The following SPTA1 variants were observed in gnomAD, a reference collection of about 807,000 sequenced individuals.
SPTA1 encodes spectrin alpha chain, erythrocytic 1.
In SPTA1, 177 loss-of-function variants were observed where a neutral mutation model predicts 324.7. The observed-to-expected ratio is 0.55, with a 90% CI of 0.48 to 0.62. The LOEUF is 0.62. SPTA1 is among the 20% of genes least tolerant of loss of function. SPTA1 has a pLI of 0.00. For synonymous variants in SPTA1, 1,195 were observed against 1,041.3 expected (o/e 1.15, Z -2.84); for missense variants, 3,162 against 2,883.6 (o/e 1.10, Z -2.21).
chr1:158,649,010 T>A (rs1652214473), intron 25 of SPTA1, among the ~76,000 whole-genome samples: 1 of 152,174 alleles, frequency 6.6e-6, no homozygotes, highest in South Asian at 2.1e-4. Flanking sequence ...TAGCTTTCTA[T>A]CTTAAGCATT....
chr1:158,634,766 C>A, intron 38 of SPTA1, 91 bp from the exon 39 acceptor site: 1 of 1,486,344 alleles, frequency 6.7e-7, no homozygotes, highest in Non-Finnish European at 9.3e-7. Flanking sequence ...TTCAGGCAGA[C>A]CAGCTTATTC....
At chr1:158,642,681 C>A (rs898373507) in intron 32 of SPTA1, 133 bp downstream of exon 32, 2 of 1,571,334 alleles carry the variant, frequency 1.3e-6, no homozygotes, top group African/African-American at 2.7e-5. Flanking sequence ...TGCTCCACAT[C>A]AGACTCTGAA....
At chr1:158,648,417 A>C (rs1048221331) in intron 26 of SPTA1, 92 bp downstream of exon 26, 3 of 1,548,106 alleles carry the variant, frequency 1.9e-6, no homozygotes, top group African/African-American at 2.7e-5. Flanking sequence ...TAAGAATAAA[A>C]GACTGAAAAA....
chr1:158,651,292 T>G, intron 24 of SPTA1, 75 bp downstream of exon 24: 1 of 932,716 alleles, frequency 1.1e-6, no homozygotes, highest in Non-Finnish European at 1.8e-6. Context: ...GAATATAAAG[T>G]TCCATGTTGA....
chr1:158,683,857 TGA>T lies in SPTA1; in HGVS notation c.265-363_265-362del, dbSNP rs1450854601. Among the ~76,000 whole-genome samples, 8 of 151,716 alleles carry T rather than the reference TGA, an allele frequency of 5.3e-5. No homozygotes were observed. In the East Asian group the frequency reaches 5.8e-4, roughly 11 times the overall value. ...AATAATGGTTTTTAAAAAAAAAAAT[TGA>T]GAGTTTTTTTTGCATGCTGTGCCTG... On this transcript the variant is annotated intron_variant, in intron 2 of 51. Coordinates refer to ENST00000643759, the MANE Select transcript of SPTA1 (RefSeq NM_003126.4).
chr1:158,648,661 A>G lies in SPTA1; in HGVS notation c.3570-8T>C, dbSNP rs749641057. 5.0e-6 allele frequency: 8 copies of G among 1,613,386 alleles called. No individual in the cohort carries two copies. The South Asian group carries it at 8.8e-5, about 18-fold the overall frequency. ...TTCGTGTCATCTGCTTCTCTGGTAT[A>G]CAAGAGAGTAGAGAGTTCAAAAGTA... On this transcript the variant is annotated splice_region_variant and splice_polypyrimidine_tract_variant and intron_variant, in intron 25 of 51. Transcript: ENST00000643759.
chr1:158,635,945 G>T lies in SPTA1; in HGVS notation c.5400C>A (p.His1800Gln). 1 of 1,614,148 alleles carries T rather than the reference G, an allele frequency of 6.2e-7. No homozygotes were observed. Among genetic ancestry groups the T allele is most frequent in the Non-Finnish European group, 8.5e-7 (1 of 1,180,032 alleles). ...TGGCCAACTCTTTGAGCTTCTCCCA[G>T]TGTTCAACAAACTGAGCCAGCCGCA... Reference protein sequence around the residue: ...IQLRLAQFVEHWEKLKELAKA... With the variant: ...IQLRLAQFVEQWEKLKELAKA... The change falls in exon 38 of 52, where the codon CAC becomes CAA. Residue 1800 changes from histidine to glutamine, a missense_variant. Physicochemically the swap from His to Gln is conservative, Grantham distance 24. Coordinates refer to ENST00000643759, the MANE Select transcript of SPTA1 (RefSeq NM_003126.4).
chr1:158,657,018 C>T (rs1008671958), intron 19 of SPTA1, among the ~76,000 whole-genome samples: 3 of 152,098 alleles, frequency 2.0e-5, no homozygotes, highest in Admixed American at 2.0e-4. Context: ...AAATACTATA[C>T]CAGCTTCCTA....
At chr1:158,622,416 T>C (rs1340938736) in intron 43 of SPTA1, among the ~76,000 whole-genome samples, 1 of 152,162 alleles carries the variant, frequency 6.6e-6, no homozygotes, top group Non-Finnish European at 1.5e-5. Flanking sequence ...TACATATTTA[T>C]ATGAATGTAA....
intron 36 of SPTA1, among the ~76,000 whole-genome samples, chr1:158,637,663 G>C (rs1482192452): frequency 6.6e-6 from 1 of 152,146 alleles, no homozygotes; most frequent in Non-Finnish European, 1.5e-5. Context: ...GTCCAATTCA[G>C]TGTCATATAA....
intron 19 of SPTA1, 24 bp downstream of exon 19, chr1:158,657,453 A>T (rs1652906942): frequency 1.3e-6 from 2 of 1,597,038 alleles, no homozygotes; most frequent in African/African-American, 2.8e-5. Context: ...AGGATTCACA[A>T]TGTTAAACCC....
chr1:158,638,382 A>T, intron 35 of SPTA1, 141 bp from the exon 36 acceptor site: 1 of 835,098 alleles, frequency 1.2e-6, no homozygotes, highest in South Asian at 1.5e-5. Context: ...TGTGTTATAC[A>T]TGTTAGCATA....
intron 33 of SPTA1, among the ~76,000 whole-genome samples, chr1:158,641,699 T>C (rs1651589482): frequency 1.3e-5 from 2 of 152,190 alleles, no homozygotes; most frequent in African/African-American, 2.4e-5. Context: ...GGAACACTTT[T>C]ACACTGCTGG....
intron 39 of SPTA1, among the ~76,000 whole-genome samples, chr1:158,629,929 T>C (rs184547665): frequency 9.2e-5 from 14 of 151,600 alleles, no homozygotes; most frequent in Admixed American, 5.2e-4. Flanking sequence ...TATATAAAAA[T>C]AAATGTAACC....
At chr1:158,612,178 C>G (rs560190565) in intron 51 of SPTA1, 1 of 154,608 alleles carries the variant, frequency 6.5e-6, no homozygotes, top group East Asian at 1.9e-4. Flanking sequence ...TCTGTTTTCT[C>G]AAGTTCCTTT....
Position 158,666,380 on chromosome 1 carries a change from A to C in SPTA1, c.2156T>G (p.Leu719Arg). 6.2e-7 allele frequency: 1 copy of C among 1,613,954 alleles called. No homozygotes were observed. The highest frequency in any genetic ancestry group is 8.5e-7 in the Non-Finnish European group (1 of 1,179,964). Residue 719 changes from leucine to arginine, a missense_variant, in exon 16 of 52, where the codon CTG (leucine) becomes CGG (arginine). By Grantham distance (102) the Leu-to-Arg change is moderately radical. Transcript: ENST00000643759. ...QVTSEDYGKG[L>R]AEVQNRLRKH... ...CCTGAGTCGATTCTGTACCTCGGCC[A>C]GGCCTTTCCCATAATCCTCAGAGGT...
In SPTA1 at chr1:158,683,355, G is replaced by A. The variant is rs1233042138; in HGVS notation, c.390+16C>T. On this transcript the variant is annotated intron_variant, in intron 3 of 51. Coordinates refer to ENST00000643759, the MANE Select transcript of SPTA1 (RefSeq NM_003126.4). ...AATCAATAATTGGAAACTTCTTCAA[G>A]GGCCCATACATATACCTTCGTTTCT... 1 of 1,612,860 alleles carries A rather than the reference G, an allele frequency of 6.2e-7. No homozygotes were observed. The highest frequency in any genetic ancestry group is 2.2e-5 in the East Asian group (1 of 44,846).
chr1:158,645,468 C>A, intron 28 of SPTA1, 27 bp downstream of exon 28: 1 of 1,613,906 alleles, frequency 6.2e-7, no homozygotes, highest in Non-Finnish European at 8.5e-7. Flanking sequence ...GTCAAGTGAT[C>A]AGTGGCTGTG....
chr1:158,677,782 A>G lies in SPTA1; in HGVS notation c.865T>C (p.Ser289Pro). ...WIKEKEPVLT[S>P]EDYGKDLVAS... is the part of the protein sequence containing the mutation. The stretch of plus-strand genomic sequence containing the variant: ...ACAAGGTCTTTGCCATAGTCCTCAG[A>G]GGTGAGTACAGGTTCCTTCTCCTTG... The change falls in exon 7 of 52, where the codon TCT (serine) becomes CCT (proline). Residue 289 changes from serine to proline, a missense_variant. Ser to Pro is a moderately conservative substitution (Grantham distance 74, BLOSUM62 -1). Transcript: ENST00000643759. 1 of 1,613,718 alleles carries G rather than the reference A, an allele frequency of 6.2e-7. No individual in the cohort carries two copies. Among genetic ancestry groups the G allele is most frequent in the Non-Finnish European group, 8.5e-7 (1 of 1,179,758 alleles).
Sources: gnomAD v4.1 joint callset for allele counts (sites outside exome capture counted in the v4.1 genomes callset) on GRCh38, gnomAD v4.1.1 for gene constraint, MANE v1.5 for transcripts, NCBI Gene and HGNC (gene_info 2026-07-23, HGNC 2026-07-21) for gene names.